Variants in FHOD1 observed in about 807,000 individuals in gnomAD.
FHOD1 encodes FH1/FH2 domain-containing protein 1.
In FHOD1, 89 loss-of-function variants were observed where a neutral mutation model predicts 111.6. The ratio of observed to expected loss-of-function variants is 0.80; its 90% CI spans 0.67 to 0.95. The LOEUF (loss-of-function observed/expected upper bound fraction) is 0.95. Ranked by LOEUF, FHOD1 falls within the 40% of genes least tolerant of loss-of-function variation. FHOD1 has a pLI of 0.00. For missense variants in FHOD1, 1,446 were observed against 1,554.2 expected, an observed-to-expected ratio of 0.93 and a Z score of 1.17; for synonymous variants, 618 against 639.0, an observed-to-expected ratio of 0.97 and a Z score of 0.50.
At chr16:67,241,114 AC>A (rs1186229148) in intron 1 of FHOD1, among the ~76,000 whole-genome samples, 214 of 83,154 alleles carry the variant, frequency 2.6e-3, no homozygotes, top group Middle Eastern at 0.014. Context: ...CCCTTGGATG[AC>A]CCCCCCCCCC....
chr16:67,233,091 T>G (rs117473238), intron 13 of FHOD1, among the ~76,000 whole-genome samples: 4,920 of 151,226 alleles, frequency 0.033, 90 homozygotes, highest in Non-Finnish European at 0.037. Flanking sequence ...TTTTTATTTA[T>G]TTAGTTATTT....
At chr16:67,234,722 T>C (rs1456352909) in intron 11 of FHOD1, 1 of 489,354 alleles carries the variant, frequency 2.0e-6, no homozygotes, top group African/African-American at 1.9e-5. Context: ...CTACTTAACA[T>C]CTAACTTGCA....
In FHOD1 at chr16:67,234,021, T is replaced by A. The variant is rs1291365175; in HGVS notation, c.1682A>T (p.Glu561Val). 5.0e-6 allele frequency: 8 copies of A among 1,613,530 alleles called. No individual in the cohort carries two copies. The Admixed American group carries it at 1.3e-4, about 27-fold the overall frequency. The change falls in exon 13 of 22, where the codon GAG becomes GTG. Residue 561 changes from glutamate (E) to valine (V), a missense_variant. Glu to Val is a moderately radical substitution (Grantham distance 121). Around this residue, in one of 3 missense-constraint regions of FHOD1, gnomAD observed 1,085 missense variants for 1,108.8 expected, o/e 0.98. Transcript: ENST00000258201. ...EDEDQDMLNV[E>V]SVEAGKDIPA... ...GATGTCTTTCCCAGCCTCCACAGAC[T>A]CTACATTCAGCATGTCCTGGTCTTC...
Position 67,230,702 on chromosome 16 carries a change from A to G in FHOD1, c.2757T>C (p.His919=), listed in dbSNP as rs975398430. ...AEESLRSLAK[H]ELAPALRARL... ...GGGCACGCAGGGCTGGGGCCAGCTC[A>G]TGCTTGGCCAAGCTCCGCAGGCTCT... Residue 919 remains histidine (H), a synonymous_variant, in exon 18 of 22, where the codon CAT becomes CAC. Coordinates refer to ENST00000258201, the MANE Select transcript of FHOD1 (RefSeq NM_013241.3). 3 of 1,613,766 alleles carry G rather than the reference A, an allele frequency of 1.9e-6. No homozygotes were observed. Among genetic ancestry groups the G allele is most frequent in the Admixed American group, 1.7e-5 (1 of 59,996 alleles).
intron 11 of FHOD1, chr16:67,235,932 C>T: frequency 1.7e-6 from 1 of 592,918 alleles, no homozygotes; most frequent in Non-Finnish European, 2.1e-6. Flanking sequence ...TTGGTTGCAT[C>T]AGGCACGTGA....
chr16:67,246,925 G>A, intron 1 of FHOD1: 1 of 454,518 alleles, frequency 2.2e-6, no homozygotes. Flanking sequence ...AAGCCACCCT[G>A]GCAGACCGAC....
At chr16:67,241,416 C>T (rs150542344) in intron 1 of FHOD1, among the ~76,000 whole-genome samples, 5 of 152,322 alleles carry the variant, frequency 3.3e-5, no homozygotes, top group Non-Finnish European at 7.4e-5. Flanking sequence ...ACCCCACCCC[C>T]ATTCAGGCAC....
intron 13 of FHOD1, 135 bp from the exon 14 acceptor site, chr16:67,232,329 A>C: frequency 1.3e-6 from 1 of 741,460 alleles, no homozygotes; most frequent in Non-Finnish European, 2.2e-6. Context: ...CATCCTGGCT[A>C]ACATGGTGAA....
In FHOD1 at chr16:67,233,646, A is replaced by G. The variant is rs764810821; in HGVS notation, c.2046+11T>C. On this transcript the variant is annotated intron_variant, in intron 13 of 21. Coordinates refer to ENST00000258201, the MANE Select transcript of FHOD1 (RefSeq NM_013241.3). ...CTCCCTTGGGGCTACCTTGCAGATGAGTGGATTTACCTTGGAGGGCAGCAC... is the reference window on the plus strand; with the variant it reads ...CTCCCTTGGGGCTACCTTGCAGATGGGTGGATTTACCTTGGAGGGCAGCAC... 17 of 1,578,728 alleles carry G rather than the reference A, an allele frequency of 1.1e-5. No homozygotes were observed. The highest frequency in any genetic ancestry group is 1.5e-5 in the Non-Finnish European group (17 of 1,156,666).
At position 67,238,408 on chromosome 16, in the gene FHOD1, G is replaced by T. The variant is rs910461067; in HGVS notation, c.413C>A (p.Ser138Tyr). Residue 138 changes from serine (S) to tyrosine (Y), a missense_variant, in exon 4 of 22, where the codon TCC (serine) becomes TAC (tyrosine). Physicochemically the swap from Ser to Tyr is moderately radical, Grantham distance 144. Around this residue, in one of 3 missense-constraint regions of FHOD1, gnomAD observed 234 missense variants for 327.4 expected, o/e 0.71. Transcript: ENST00000258201. This position sits in a 1 kb window ranked among gnomAD's most constrained non-coding sequence, Gnocchi z 4.2. ...YSSSGPELRR[S>Y]LFSLKQIFQE... ...GAAGATCTGCTTCAGTGAGAAGAGGGAGCGGCGGAGCTCAGGACCACTGGA... is the reference window on the plus strand; with the variant it reads ...GAAGATCTGCTTCAGTGAGAAGAGGTAGCGGCGGAGCTCAGGACCACTGGA... 1 of 1,614,152 alleles carries T rather than the reference G, an allele frequency of 6.2e-7. No individual in the cohort carries two copies. Among genetic ancestry groups the T allele is most frequent in the Non-Finnish European group, 8.5e-7 (1 of 1,180,024 alleles).
At position 67,230,434 on chromosome 16, in the gene FHOD1, G is replaced by C. The variant is rs144753004; in HGVS notation, c.2931C>G (p.Cys977Trp). 9 of 1,614,126 alleles carry C rather than the reference G, an allele frequency of 5.6e-6. No homozygotes were observed. The highest frequency in any genetic ancestry group is 7.6e-6 in the Non-Finnish European group (9 of 1,180,052). ...CAAGCGCAAATTCCCGCAGCGTGTGGCAGAACTGCATGATGCGCACTTCAC... is the reference window on the plus strand; with the variant it reads ...CAAGCGCAAATTCCCGCAGCGTGTGCCAGAACTGCATGATGCGCACTTCAC... Reference protein sequence around the residue: ...AAREVRIMQFCHTLREFALEY... With the variant: ...AAREVRIMQFWHTLREFALEY... The change falls in exon 19 of 22, where the codon TGC (cysteine) becomes TGG (tryptophan). Residue 977 changes from cysteine to tryptophan, a missense_variant. Coordinates refer to ENST00000258201, the MANE Select transcript of FHOD1 (RefSeq NM_013241.3).
Position 67,237,368 on chromosome 16 carries a change from G to A in FHOD1, c.864C>T (p.Leu288=), listed in dbSNP as rs766303092. ...CATCGTAGAAGGAGTCCTGGTCCGGGAGCGCCGCCAGCGTCTGGAGGGCGG... is the reference window on the plus strand; with the variant it reads ...CATCGTAGAAGGAGTCCTGGTCCGGAAGCGCCGCCAGCGTCTGGAGGGCGG... The part of the protein sequence containing the change: ...VTLINKTLAA[L]PDQDSFYDVT... Residue 288 remains leucine, a synonymous_variant, in exon 9 of 22, where the codon CTC becomes CTT. Coordinates refer to ENST00000258201, the MANE Select transcript of FHOD1 (RefSeq NM_013241.3). This position sits in a 1 kb window ranked among gnomAD's most constrained non-coding sequence, Gnocchi z 5.6. The A allele has an allele frequency of 6.2e-7, 1 of 1,613,806 alleles. No individual in the cohort carries two copies. The highest frequency in any genetic ancestry group is 8.5e-7 in the Non-Finnish European group (1 of 1,179,838).
Position 67,234,339 on chromosome 16 carries a change from G to A in FHOD1, c.1435+18C>T, listed in dbSNP as rs1567387715. Reference sequence around the variant, plus strand: ...ACAAAGCAACAGGCAGGCTCTGCCTGCTCACCCACCTACTCACCTGGGTGT... The same window carrying A: ...ACAAAGCAACAGGCAGGCTCTGCCTACTCACCCACCTACTCACCTGGGTGT... On this transcript the variant is annotated intron_variant, in intron 12 of 21. Coordinates refer to ENST00000258201, the MANE Select transcript of FHOD1 (RefSeq NM_013241.3). The A allele has an allele frequency of 1.9e-6, 3 of 1,608,266 alleles. No homozygotes were observed. Among genetic ancestry groups the A allele is most frequent in the African/African-American group, 1.3e-5 (1 of 74,990 alleles).
In FHOD1 at chr16:67,233,950, G is replaced by C; in HGVS notation, c.1753C>G (p.Pro585Ala). The C allele has an allele frequency of 1.9e-6, 3 of 1,596,966 alleles. No homozygotes were observed. The highest frequency in any genetic ancestry group is 2.2e-5 in the East Asian group (1 of 44,652). Residue 585 changes from proline (P) to alanine (A), a missense_variant, in exon 13 of 22, where the codon CCT becomes GCT. Pro to Ala is a conservative substitution (Grantham distance 27, BLOSUM62 -1). Transcript: ENST00000258201. ...PLPLLSGVPP[P>A]PPLPPPPPIK... The stretch of plus-strand genomic sequence containing the variant: ...GGTGGGGGAGGTGGAAGTGGGGGAG[G>C]GGGGGGTACTCCCGAGAGCAGGGGC...
At position 67,236,463 on chromosome 16, in the gene FHOD1, T is replaced by C. The variant is rs1490899102; in HGVS notation, c.1319+94A>G. On this transcript the variant is annotated intron_variant, in intron 11 of 21. Transcript: ENST00000258201. ...GAAAGAGAGAGAGAGAAAGCACGCG[T>C]TTGGGCAGAGGAGGCTGAGTGCCCA... is the stretch of plus-strand genomic sequence containing the variant. 6 of 1,543,580 alleles carry C rather than the reference T, an allele frequency of 3.9e-6. No homozygotes were observed. In the South Asian group the frequency reaches 4.8e-5, roughly 12 times the overall value.
Position 67,236,667 on chromosome 16 carries a change from G to T in FHOD1, c.1209C>A (p.Pro403=). 2 of 1,607,946 alleles carry T rather than the reference G, an allele frequency of 1.2e-6. No individual in the cohort carries two copies. The highest frequency in any genetic ancestry group is 1.1e-5 in the South Asian group (1 of 89,950). The change falls in exon 11 of 22, where the codon CCC becomes CCA. Residue 403 remains proline (P), a synonymous_variant. Transcript: ENST00000258201. ...SSTGPALLTG[P]ASSPVGPPSG... is the part of the protein sequence containing the mutation. ...AGGGAGGGCCCACAGGGCTGGAGGCGGGGCCTGTCAGCAGGGCGGGGCCGG... is the reference window on the plus strand; with the variant it reads ...AGGGAGGGCCCACAGGGCTGGAGGCTGGGCCTGTCAGCAGGGCGGGGCCGG...
In FHOD1 at chr16:67,234,204, G is replaced by T. The variant is rs77281081; in HGVS notation, c.1499C>A (p.Ala500Asp). The T allele has an allele frequency of 6.5e-7, 1 of 1,547,396 alleles. No individual in the cohort carries two copies. Among genetic ancestry groups the T allele is most frequent in the Non-Finnish European group, 8.7e-7 (1 of 1,145,400 alleles). Reference protein sequence around the residue: ...APAARTPQSPAPCVLLRAQRS... With the variant: ...APAARTPQSPDPCVLLRAQRS... Reference sequence around the variant, plus strand: ...CTGGGCCCGGAGCAGGACACAGGGGGCAGGGCTCTGGGGTGTTCTGGCTGC... The same window carrying T: ...CTGGGCCCGGAGCAGGACACAGGGGTCAGGGCTCTGGGGTGTTCTGGCTGC... The change falls in exon 13 of 22, where the codon GCC (alanine) becomes GAC (aspartate). Residue 500 changes from alanine (A) to aspartate (D), a missense_variant. By Grantham distance (126) the Ala-to-Asp change is moderately radical. Around this residue, in one of 3 missense-constraint regions of FHOD1, gnomAD observed 1,085 missense variants for 1,108.8 expected, o/e 0.98. Transcript: ENST00000258201.
At chr16:67,232,246 G>A (rs775719568) in intron 13 of FHOD1, 52 bp from the exon 14 acceptor site, 55 of 1,592,268 alleles carry the variant, frequency 3.5e-5, no homozygotes, top group Admixed American at 6.7e-5. Flanking sequence ...GGCCTGACGC[G>A]GTGGCTCACG....
chr16:67,247,161 G>A, intron 1 of FHOD1, 49 bp downstream of exon 1: 1 of 1,466,718 alleles, frequency 6.8e-7, no homozygotes, highest in African/African-American at 1.4e-5. Context: ...TTTTCATGGC[G>A]CCCACCCTGA....
Sources: allele counts gnomAD v4.1 joint callset (sites outside exome capture counted in the v4.1 genomes callset), GRCh38; gene constraint gnomAD v4.1.1; regional missense constraint gnomAD v4.1.1; non-coding constraint Gnocchi (gnomAD v3.1); transcripts MANE v1.5; gene names NCBI Gene and HGNC (gene_info 2026-07-23, HGNC 2026-07-21).